The following NRXN3 variants were observed in gnomAD, a reference collection of about 807,000 sequenced individuals.
NRXN3 encodes the protein neurexin III.
NRXN3 carries 32 observed loss-of-function variants against 137.6 expected under a neutral mutation model. The ratio of observed to expected loss-of-function variants is 0.23; its 90% confidence interval spans 0.18 to 0.31. NRXN3 has a LOEUF of 0.31. Ranked by LOEUF, NRXN3 falls within the 10% of genes least tolerant of loss-of-function variation. The pLI is 1.00. For synonymous variants in NRXN3, 798 were observed against 784.5 expected (o/e 1.02, Z -0.29); for missense variants, 1,574 against 2,062.5 (o/e 0.76, Z 4.59).
intron 4 of NRXN3, among the ~76,000 whole-genome samples, chr14:78,388,506 A>T (rs925209133): frequency 6.6e-6 from 1 of 152,204 alleles, no homozygotes; most frequent in Non-Finnish European, 1.5e-5. Context: ...AAAGTAATTC[A>T]TGTTCATATG....
chr14:79,278,059 G>C (rs1362111812), intron 15 of NRXN3, among the ~76,000 whole-genome samples: 1 of 152,118 alleles, frequency 6.6e-6, no homozygotes, highest in African/African-American at 2.4e-5. Context: ...GATGAATAGG[G>C]CTGTCTTAAT....
rs141516685 is a variant in NRXN3 at position 78,413,844 on chromosome 14, C to G, written c.757+115984C>G. ...ATCTGATACGGCTTAGCTCTGTGTCCCCACCCAAATTTCACCTTGAATTGT... is the reference window on the plus strand; with the variant it reads ...ATCTGATACGGCTTAGCTCTGTGTCGCCACCCAAATTTCACCTTGAATTGT... On this transcript the variant is annotated intron_variant, in intron 4 of 20. Coordinates refer to ENST00000335750, the MANE Select transcript of NRXN3 (RefSeq NM_001330195.2). 7.3e-3 allele frequency among the ~76,000 whole-genome samples: 1,115 copies of G among 152,248 alleles called. 23 individuals carry two copies. The highest frequency in any genetic ancestry group is 0.026 in the African/African-American group (1,071 of 41,532).
At chr14:78,248,593 C>A (rs115039450) in intron 2 of NRXN3, among the ~76,000 whole-genome samples, 2,905 of 152,002 alleles carry the variant, frequency 0.019, 53 homozygotes, top group African/African-American at 0.053. Context: ...TCAGTTGGAT[C>A]CTCCTGTTTT....
At position 79,682,425 on chromosome 14, in the gene NRXN3, T is replaced by A. The variant is rs181729474; in HGVS notation, c.3617-9748T>A. On this transcript the variant is annotated intron_variant, in intron 17 of 20. Transcript: ENST00000335750. Reference sequence around the variant, plus strand: ...CAACTACGGCATCCCCTGAGGTTATTTCTTCTCTGGGAAAATTTTGATTCT... The same window carrying A: ...CAACTACGGCATCCCCTGAGGTTATATCTTCTCTGGGAAAATTTTGATTCT... Among the ~76,000 whole-genome samples, 22 of 152,312 alleles carry A rather than the reference T, an allele frequency of 1.4e-4. No homozygotes were observed. In the East Asian group the frequency reaches 4.2e-3, roughly 29 times the overall value.
At chr14:78,661,866 GTTAT>G (rs895788736) in intron 6 of NRXN3, among the ~76,000 whole-genome samples, 1 of 150,142 alleles carries the variant, frequency 6.7e-6, no homozygotes, top group African/African-American at 2.4e-5. Flanking sequence ...TTCAGCAAAT[GTTAT>G]TTATTTTTTT....
intron 4 of NRXN3, among the ~76,000 whole-genome samples, chr14:78,484,017 CACACACACACAGAGAGAGAG>C (rs2095518487): frequency 2.3e-5 from 2 of 86,170 alleles, no homozygotes; most frequent in African/African-American, 8.7e-5. Context: ...CACACACACA[CACACACACACAGAGAGAGAG>C]AGAGAGAGAG....
At chr14:79,324,325 C>T (rs1003101574) in intron 15 of NRXN3, among the ~76,000 whole-genome samples, 17 of 152,150 alleles carry the variant, frequency 1.1e-4, no homozygotes, top group African/African-American at 4.1e-4. Context: ...TACACACAGA[C>T]TTTTACACTC....
chr14:78,302,803 C>T (rs1202220042), intron 4 of NRXN3, among the ~76,000 whole-genome samples: 3 of 152,188 alleles, frequency 2.0e-5, no homozygotes, highest in Non-Finnish European at 4.4e-5. Flanking sequence ...CTTCCTGAAC[C>T]TTCCTCCTCC....
chr14:78,389,773 T>C (rs902187035), intron 4 of NRXN3, among the ~76,000 whole-genome samples: 2 of 152,164 alleles, frequency 1.3e-5, no homozygotes, highest in African/African-American at 4.8e-5. Flanking sequence ...TTGAGACTCT[T>C]TCCTTTTATG....
At chr14:79,769,152 G>A (rs2139694573) in intron 19 of NRXN3, among the ~76,000 whole-genome samples, 1 of 149,404 alleles carries the variant, frequency 6.7e-6, no homozygotes, top group South Asian at 2.2e-4. Flanking sequence ...TCTGATTGGT[G>A]TACCTGAAAG....
At chr14:79,775,644 G>A (rs2099094623) in intron 19 of NRXN3, among the ~76,000 whole-genome samples, 1 of 151,300 alleles carries the variant, frequency 6.6e-6, no homozygotes, top group Non-Finnish European at 1.5e-5. Flanking sequence ...TAGAGTTCTA[G>A]ATGCCCATTT....
intron 15 of NRXN3, among the ~76,000 whole-genome samples, chr14:79,127,187 C>T (rs1257369651): frequency 6.6e-6 from 1 of 152,078 alleles, no homozygotes; most frequent in African/African-American, 2.4e-5. Flanking sequence ...TAATTAGATC[C>T]CATTTGTCAA....
At chr14:78,576,420 A>T (rs538043004) in intron 4 of NRXN3, among the ~76,000 whole-genome samples, 7 of 152,232 alleles carry the variant, frequency 4.6e-5, no homozygotes, top group Non-Finnish European at 8.8e-5. Context: ...TATAGTAAAA[A>T]TGAGACATAA....
intron 4 of NRXN3, among the ~76,000 whole-genome samples, chr14:78,627,725 C>T (rs934508190): frequency 6.6e-6 from 1 of 152,186 alleles, no homozygotes; most frequent in Admixed American, 6.5e-5. Flanking sequence ...TTGCTAATTA[C>T]TTTGGGAAAG....
chr14:79,668,121 A>ATGAC (rs1313522943), intron 17 of NRXN3, among the ~76,000 whole-genome samples: 2 of 152,028 alleles, frequency 1.3e-5, no homozygotes, highest in Non-Finnish European at 2.9e-5. Flanking sequence ...ATGCACACGG[A>ATGAC]TGACCTACAT....
At chr14:78,400,803 A>G (rs1255433984) in intron 4 of NRXN3, among the ~76,000 whole-genome samples, 3 of 152,166 alleles carry the variant, frequency 2.0e-5, no homozygotes, top group South Asian at 2.1e-4. Context: ...ATTACCAGTG[A>G]TAGATTATCA....
At chr14:79,591,691 A>C (rs918484357) in intron 16 of NRXN3, among the ~76,000 whole-genome samples, 1 of 152,168 alleles carries the variant, frequency 6.6e-6, no homozygotes, top group Non-Finnish European at 1.5e-5. Flanking sequence ...TCACTTATTG[A>C]TATGGCTTTC....
At chr14:79,175,582 T>G (rs2062247640) in intron 15 of NRXN3, among the ~76,000 whole-genome samples, 1 of 152,242 alleles carries the variant, frequency 6.6e-6, no homozygotes, top group Admixed American at 6.5e-5. Context: ...GTGCTTTTTC[T>G]CACTTCAAAC....
chr14:79,842,694 G>A (rs1231170399), intron 20 of NRXN3, among the ~76,000 whole-genome samples: 1 of 152,102 alleles, frequency 6.6e-6, no homozygotes, highest in Non-Finnish European at 1.5e-5. Context: ...TCACCATAGA[G>A]AAACAAATTA....
Sources: allele counts gnomAD v4.1 joint callset (sites outside exome capture counted in the v4.1 genomes callset), GRCh38; gene constraint gnomAD v4.1.1; transcripts MANE v1.5; gene names NCBI Gene and HGNC (gene_info 2026-07-23, HGNC 2026-07-21).